PRH1: variants seen among roughly 807,000 people sequenced by gnomAD.
PRH1 encodes proline rich protein HaeIII subfamily 1.
A neutral mutation model predicts 7.9 loss-of-function variants in PRH1; 7 were observed. The ratio of observed to expected loss-of-function variants is 0.89; its 90% CI spans 0.50 to 1.67. The LOEUF (loss-of-function observed/expected upper bound fraction) is 1.67, where lower values mean the gene tolerates loss of function less well. PRH1 is among the 40% of genes most tolerant of loss of function. The pLI is 0.00. For missense variants in PRH1, 109 were observed against 223.6 expected (o/e 0.49, Z 3.27); for synonymous variants, 45 against 80.8 (o/e 0.56, Z 2.38).
At chr12:11,119,385 T>C (rs892394111), downstream of PRH1, among the ~76,000 whole-genome samples, 5 of 151,122 alleles carry the variant, frequency 3.3e-5, no homozygotes, top group Non-Finnish European at 5.9e-5. Flanking sequence ...CTATAGTCAA[T>C]GATAATTTAG....
At chr12:11,046,724 T>C (rs1304746396) in intron 1 of PRH1, among the ~76,000 whole-genome samples, 1 of 152,194 alleles carries the variant, frequency 6.6e-6, no homozygotes, top group Non-Finnish European at 1.5e-5. Context: ...CTTGGTCCTA[T>C]GGGTTTTATT....
At chr12:11,043,338 T>C (rs1201700962) in intron 1 of PRH1, among the ~76,000 whole-genome samples, 1 of 152,160 alleles carries the variant, frequency 6.6e-6, no homozygotes, top group African/African-American at 2.4e-5. Context: ...ACTAGTATCA[T>C]ACTGAATTGG....
At chr12:10,990,652 T>C (rs12305080) in intron 1 of PRH1, among the ~76,000 whole-genome samples, 46,392 of 152,138 alleles carry the variant, frequency 0.3, 8,941 homozygotes, top group East Asian at 0.74. Flanking sequence ...TTGGCTGCTA[T>C]CTTGAGAGTA....
rs750903357 is a variant in PRH1 at position 11,030,489 on chromosome 12, T to C, written c.-126+16531A>G. On this transcript the variant is annotated intron_variant, in intron 1 of 3. Transcript: ENST00000539853. ...AGAAAAGTCTGCTTTAGCTTCTTGTTTCCCCAAATCAGGATGAATGGGTGG... is the reference window on the plus strand; with the variant it reads ...AGAAAAGTCTGCTTTAGCTTCTTGTCTCCCCAAATCAGGATGAATGGGTGG... 14 of 1,614,274 alleles carry C rather than the reference T, an allele frequency of 8.7e-6. No homozygotes were observed. The highest frequency in any genetic ancestry group is 2.2e-5 in the South Asian group (2 of 91,092).
intron 1 of PRH1, among the ~76,000 whole-genome samples, chr12:11,112,994 T>C (rs1249939059): frequency 3.3e-5 from 5 of 152,096 alleles, no homozygotes; most frequent in African/African-American, 2.4e-5. Flanking sequence ...AGCATTCCTA[T>C]ACACCAATAA....
intron 1 of PRH1, among the ~76,000 whole-genome samples, chr12:10,998,685 C>G (rs1204815145): frequency 2.0e-5 from 3 of 152,066 alleles, no homozygotes; most frequent in Non-Finnish European, 4.4e-5. Context: ...GAATAATATT[C>G]ATGAAACATA....
At chr12:11,052,009 G>A (rs1053144000), upstream of PRH1, among the ~76,000 whole-genome samples, 8 of 152,222 alleles carry the variant, frequency 5.3e-5, no homozygotes, top group African/African-American at 1.7e-4. Flanking sequence ...GAATTACAGG[G>A]TCCTTGATTA....
In PRH1 at chr12:11,092,827, A is replaced by AATGTGCT. The variant is rs1405473308; in HGVS notation, n.124-45646_124-45640dup. Reference sequence around the variant, plus strand: ...AAATTCTATATGCACCTGATTTGTGAATGTGCTGTGACATTCTTTTTACTT... The same window carrying AATGTGCT: ...AAATTCTATATGCACCTGATTTGTGAATGTGCTATGTGCTGTGACATTCTTTTTACTT... On this transcript the variant is annotated intron_variant and non_coding_transcript_variant, in intron 1 of 4. Transcript: ENST00000541977. 2.6e-5 allele frequency among the ~76,000 whole-genome samples: 3 copies of AATGTGCT among 115,352 alleles called. 1 individual carries two copies. The highest frequency in any genetic ancestry group is 6.1e-5 in the Non-Finnish European group (3 of 48,816). The allele number at this position is 115,352 out of a possible 152,430, so 75.7% of individuals were successfully genotyped here. A position where few individuals can be genotyped will look rare whatever the true frequency, so the allele number is the denominator to read the frequency against.
chr12:11,022,353 A>C, intron 1 of PRH1: 1 of 1,564,940 alleles, frequency 6.4e-7, no homozygotes, highest in Non-Finnish European at 8.7e-7. Context: ...CATATAAAGC[A>C]GAATTAAACA....
intron 1 of PRH1, among the ~76,000 whole-genome samples, chr12:11,026,508 G>A (rs1282809363): frequency 6.7e-6 from 1 of 148,604 alleles, no homozygotes; most frequent in Admixed American, 6.7e-5. Context: ...CATTATTATA[G>A]CAGGACCAAA....
At chr12:11,066,087 G>T (rs1356498408) in intron 1 of PRH1, among the ~76,000 whole-genome samples, 3 of 152,156 alleles carry the variant, frequency 2.0e-5, no homozygotes, top group Non-Finnish European at 4.4e-5. Context: ...AAAGATCAAA[G>T]AGTAAAACAG....
rs76961112 is a variant in PRH1 at position 11,089,322 on chromosome 12, A to C, written n.124-42134T>G. Among the ~76,000 whole-genome samples, 31 of 116,220 alleles carry C rather than the reference A, an allele frequency of 2.7e-4. 4 individuals are homozygous for C. The highest frequency in any genetic ancestry group is 8.6e-4 in the African/African-American group (30 of 34,688). The allele number at this position is 116,220 out of a possible 152,430, so 76.2% of individuals were successfully genotyped here. A position where few individuals can be genotyped will look rare whatever the true frequency, so the allele number is the denominator to read the frequency against. ...TGCCTCAAGGAAACCCTGACCAATA[A>C]GAAATAGAAGACTAATGACAGCCGA... On this transcript the variant is annotated intron_variant and non_coding_transcript_variant, in intron 1 of 4. Transcript: ENST00000541977.
intron 2 of PRH1, among the ~76,000 whole-genome samples, chr12:10,922,691 A>C (rs1176664160): frequency 6.6e-6 from 1 of 151,830 alleles, no homozygotes; most frequent in Non-Finnish European, 1.5e-5. Flanking sequence ...GCAGTTTATT[A>C]AGTGTGTCTT....
At chr12:10,929,417 A>G in intron 2 of PRH1, 3 of 1,560,786 alleles carry the variant, frequency 1.9e-6, no homozygotes, top group Non-Finnish European at 2.6e-6. Flanking sequence ...AGTGGAGGGA[A>G]GAGAGGAGGA....
intron 1 of PRH1, among the ~76,000 whole-genome samples, chr12:11,069,139 A>C (rs1174768354): frequency 4.0e-5 from 6 of 149,338 alleles, no homozygotes; most frequent in Non-Finnish European, 7.5e-5. Context: ...GTTGGTCTCC[A>C]ATAATTGTGC....
At chr12:10,965,492 C>T (rs1565505287) in intron 2 of PRH1, 1 of 347,536 alleles carries the variant, frequency 2.9e-6, no homozygotes, top group African/African-American at 2.1e-5. Flanking sequence ...ATACTGTGAC[C>T]AGTGTCAAAC....
intron 1 of PRH1, among the ~76,000 whole-genome samples, chr12:10,982,941 T>C (rs1032642363): frequency 6.6e-5 from 10 of 152,140 alleles, no homozygotes; most frequent in Non-Finnish European, 1.3e-4. Context: ...ATTCAACATA[T>C]ACCACATTTA....
chr12:10,912,535 C>T (rs944523986), intron 2 of PRH1, among the ~76,000 whole-genome samples: 2 of 151,918 alleles, frequency 1.3e-5, no homozygotes, highest in African/African-American at 4.8e-5. Context: ...CTGTCTTGGT[C>T]GATCTTTTCA....
chr12:10,944,211 A>G (rs1950449071), intron 2 of PRH1, among the ~76,000 whole-genome samples: 1 of 152,196 alleles, frequency 6.6e-6, no homozygotes, highest in South Asian at 2.1e-4. Flanking sequence ...ATCCATGAAC[A>G]TGGGATGTTT....
Sources: allele counts gnomAD v4.1 joint callset (sites outside exome capture counted in the v4.1 genomes callset), GRCh38; gene constraint gnomAD v4.1.1; transcripts MANE v1.5; gene names NCBI Gene and HGNC (gene_info 2026-07-23, HGNC 2026-07-21).